ABCC1: variants seen among roughly 807,000 people sequenced by gnomAD.
ABCC1 encodes the protein ATP binding cassette subfamily C member 1 (ABCC1 blood group).
ABCC1 carries 83 observed loss-of-function variants against 172.9 expected under a neutral mutation model. That is an observed-to-expected ratio of 0.48 (90% CI 0.40 to 0.58). The LOEUF (loss-of-function observed/expected upper bound fraction) is 0.58, where lower values mean the gene tolerates loss of function less well. ABCC1 is among the 20% of genes least tolerant of loss of function. The pLI is 0.00. For missense variants in ABCC1, 1,817 were observed against 2,002.7 expected (o/e 0.91, Z 1.77); for synonymous variants, 937 against 825.2 (o/e 1.14, Z -2.32).
intron 23 of ABCC1, among the ~76,000 whole-genome samples, chr16:16,118,682 C>G (rs926400171): frequency 1.5e-4 from 22 of 151,716 alleles, no homozygotes; most frequent in African/African-American, 5.3e-4. Flanking sequence ...ATGATTTTAG[C>G]AAAGGACCAA....
At position 16,033,565 on chromosome 16, in the gene ABCC1, A is replaced by G. The variant is rs142726167; in HGVS notation, c.677+395A>G. On this transcript the variant is annotated intron_variant, in intron 6 of 30. Coordinates refer to ENST00000399410, the MANE Select transcript of ABCC1 (RefSeq NM_004996.4). Reference sequence around the variant, plus strand: ...TGTCTCACCACAGGAAGTGTGGGTTAAAAAACCACATGTGCAGATCAGCAG... The same window carrying G: ...TGTCTCACCACAGGAAGTGTGGGTTGAAAAACCACATGTGCAGATCAGCAG... 4.4e-3 allele frequency among the ~76,000 whole-genome samples: 676 copies of G among 152,260 alleles called. 2 individuals carry two copies. Among genetic ancestry groups the G allele is most frequent in the Non-Finnish European group, 7.7e-3 (525 of 68,016 alleles).
chr16:16,061,728 G>T (rs1176172230), intron 12 of ABCC1, among the ~76,000 whole-genome samples: 1 of 149,622 alleles, frequency 6.7e-6, no homozygotes, highest in Non-Finnish European at 1.5e-5. Context: ...GATAGTAAGA[G>T]TCATACATAA....
At chr16:16,112,055 G>C (rs1358663855) in intron 22 of ABCC1, among the ~76,000 whole-genome samples, 6 of 152,132 alleles carry the variant, frequency 3.9e-5, no homozygotes, top group African/African-American at 7.2e-5. Flanking sequence ...TCAAAAGATT[G>C]AGAAACCCTG....
chr16:16,122,375 C>T (rs140369678), intron 24 of ABCC1, among the ~76,000 whole-genome samples: 34 of 152,254 alleles, frequency 2.2e-4, no homozygotes, highest in Middle Eastern at 3.4e-3. Context: ...GCAGTGCCCG[C>T]GGCATTTAAG....
intron 7 of ABCC1, among the ~76,000 whole-genome samples, chr16:16,042,125 T>G (rs1327856274): frequency 6.6e-6 from 1 of 152,022 alleles, no homozygotes; most frequent in African/African-American, 2.4e-5. Context: ...CTGTGGTTTC[T>G]GCTGGCATGA....
Position 16,102,650 on chromosome 16 carries a change from G to A in ABCC1, c.2668G>A (p.Gly890Arg). The change falls in exon 20 of 31, where the codon GGG (glycine) becomes AGG (arginine). Residue 890 changes from glycine (G) to arginine (R), a missense_variant. Physicochemically the swap from Gly to Arg is moderately radical, Grantham distance 125. Transcript: ENST00000399410. ...ENGVTGVSGP[G>R]KEAKQMENGM... Reference sequence around the variant, plus strand: ...AGGGGTCACGGGCGTCAGCGGTCCAGGGAAGGAAGCAAAGCAAATGGAGAA... The same window carrying A: ...AGGGGTCACGGGCGTCAGCGGTCCAAGGAAGGAAGCAAAGCAAATGGAGAA... The A allele has an allele frequency of 3.1e-6, 5 of 1,589,240 alleles. No individual in the cohort carries two copies. The highest frequency in any genetic ancestry group is 4.3e-6 in the Non-Finnish European group (5 of 1,167,638).
chr16:16,051,787 C>T (rs1047696342), intron 10 of ABCC1, among the ~76,000 whole-genome samples: 7 of 152,150 alleles, frequency 4.6e-5, no homozygotes, highest in East Asian at 1.9e-4. Context: ...AGTTGAGGCA[C>T]ACTGAGCTAC....
Position 16,057,195 on chromosome 16 carries a change from A to G in ABCC1, c.1677+900A>G, listed in dbSNP as rs79263808. Among the ~76,000 whole-genome samples, 17 of 145,442 alleles carry G rather than the reference A, an allele frequency of 1.2e-4. No individual in the cohort carries two copies. In the East Asian group the frequency reaches 1.2e-3, roughly 11 times the overall value. On this transcript the variant is annotated intron_variant, in intron 12 of 30. Transcript: ENST00000399410. ...TGTTACTGCTTAAAAAAAAAAAAAA[A>G]AAAGAAAGAAAAAAAAAGCTGGGCA...
intron 7 of ABCC1, among the ~76,000 whole-genome samples, chr16:16,041,034 C>G (rs2048958946): frequency 6.6e-6 from 1 of 151,994 alleles, no homozygotes; most frequent in South Asian, 2.1e-4. Context: ...CTGGAGTGAT[C>G]CTCCCACCTC....
intron 21 of ABCC1, 39 bp from the exon 22 acceptor site, chr16:16,111,336 G>A (rs756127168): frequency 1.1e-5 from 17 of 1,583,316 alleles, no homozygotes; most frequent in African/African-American, 2.7e-5. Context: ...GGCTGGGTGC[G>A]TGCATGTGCT....
intron 1 of ABCC1, among the ~76,000 whole-genome samples, chr16:15,979,335 A>G (rs1345765784): frequency 3.9e-5 from 6 of 152,004 alleles, no homozygotes; most frequent in East Asian, 3.9e-4. Context: ...TTTTTTTTCC[A>G]CAAATGTGAA....
chr16:15,967,474 G>A (rs1295129233), intron 1 of ABCC1, among the ~76,000 whole-genome samples: 1 of 152,000 alleles, frequency 6.6e-6, no homozygotes, highest in Non-Finnish European at 1.5e-5. Flanking sequence ...ACTGGGCACT[G>A]TTGCTGTCGT....
chr16:16,012,880 A>G (rs1195397095), intron 3 of ABCC1, among the ~76,000 whole-genome samples: 1 of 150,812 alleles, frequency 6.6e-6, no homozygotes, highest in Non-Finnish European at 1.5e-5. Context: ...ATGGGGTTTC[A>G]CCATGTTGGC....
Position 16,106,857 on chromosome 16 carries a change from A to G in ABCC1, c.2855A>G (p.Lys952Arg), listed in dbSNP as rs781105458. ...ACCTGGAAGCTGATGGAGGCTGACA[A>G]GGCGCAGACAGGGCAGGTGAGATTC... ...EETWKLMEADKAQTGQVKLSV... is the reference protein window; with the variant it reads ...EETWKLMEADRAQTGQVKLSV... The change falls in exon 21 of 31, where the codon AAG (lysine) becomes AGG (arginine). Residue 952 changes from lysine (K) to arginine (R), a missense_variant. Transcript: ENST00000399410. The G allele has an allele frequency of 1.2e-6, 2 of 1,614,142 alleles. No homozygotes were observed. Among genetic ancestry groups the G allele is most frequent in the South Asian group, 2.2e-5 (2 of 91,084 alleles).
At chr16:15,971,491 T>G (rs2151538778) in intron 1 of ABCC1, among the ~76,000 whole-genome samples, 1 of 152,310 alleles carries the variant, frequency 6.6e-6, no homozygotes, top group Admixed American at 6.5e-5. Context: ...AACCAAACAT[T>G]TCCCAAGGAC....
At chr16:15,963,594 C>T (rs1277937424) in intron 1 of ABCC1, among the ~76,000 whole-genome samples, 4 of 152,158 alleles carry the variant, frequency 2.6e-5, no homozygotes, top group Admixed American at 1.3e-4. Context: ...TTCTATGTAC[C>T]CACAGGCTCA....
intron 3 of ABCC1, among the ~76,000 whole-genome samples, chr16:16,011,452 A>G (rs1356320258): frequency 2.0e-5 from 3 of 152,026 alleles, no homozygotes; most frequent in Non-Finnish European, 4.4e-5. Flanking sequence ...GCCAAGGACC[A>G]TGAATCTTTA....
At chr16:16,057,829 A>G (rs776871652) in intron 12 of ABCC1, among the ~76,000 whole-genome samples, 30 of 151,982 alleles carry the variant, frequency 2.0e-4, no homozygotes, top group Non-Finnish European at 3.8e-4. Flanking sequence ...AGGCTGGAGT[A>G]CTGTGGTGCG....
rs143441314 is a variant in ABCC1 at position 15,995,062 on chromosome 16, T to C, written c.49-12754T>C. On this transcript the variant is annotated intron_variant, in intron 1 of 30. Coordinates refer to ENST00000399410, the MANE Select transcript of ABCC1 (RefSeq NM_004996.4). ...AGGAGAATTGCTTGAACTCGGGAGG[T>C]GGAGGTTGCAGTGAGCCGAGACCAC... is the stretch of plus-strand genomic sequence containing the variant. Among the ~76,000 whole-genome samples, 1,289 of 149,748 alleles carry C rather than the reference T, an allele frequency of 8.6e-3. 51 individuals carry two copies. The highest frequency in any genetic ancestry group is 0.064 in the Admixed American group (955 of 15,000).
Sources: allele counts gnomAD v4.1 joint callset (sites outside exome capture counted in the v4.1 genomes callset), GRCh38; gene constraint gnomAD v4.1.1; transcripts MANE v1.5; gene names NCBI Gene and HGNC (gene_info 2026-07-23, HGNC 2026-07-21).